The following NFYC variants were observed in gnomAD, a reference collection of about 807,000 sequenced individuals.
NFYC encodes the protein nuclear transcription factor Y subunit gamma.
NFYC carries 25 observed loss-of-function variants against 53.1 expected under a neutral mutation model. The ratio of observed to expected loss-of-function variants is 0.47; its 90% CI spans 0.34 to 0.66. The LOEUF (loss-of-function observed/expected upper bound fraction) is 0.66. Among genes scored for constraint, NFYC ranks in the 30% least tolerant of loss-of-function variants. NFYC has a pLI of 0.01. For synonymous variants in NFYC, 145 were observed against 152.6 expected, an observed-to-expected ratio of 0.95 and a Z score of 0.37; for missense variants, 260 against 422.7, an observed-to-expected ratio of 0.62 and a Z score of 3.38.
rs774076369 is a variant in NFYC, at chr1:40,698,363, GA to G, written c.-9+6511del. On this transcript the variant is annotated intron_variant, in intron 1 of 9. Coordinates refer to ENST00000447388, the MANE Select transcript of NFYC (RefSeq NM_014223.5). Reference sequence around the variant, plus strand: ...GGTGACAGAACGGGATTCCCTCTTTGAAAAAAAAAAAAAAATTCACGTTCAA... The same window carrying G: ...GGTGACAGAACGGGATTCCCTCTTTGAAAAAAAAAAAAAATTCACGTTCAA... Among the ~76,000 whole-genome samples, 863 of 135,766 alleles carry G rather than the reference GA, an allele frequency of 6.4e-3. 9 individuals are homozygous for G. The highest frequency in any genetic ancestry group is 0.017 in the African/African-American group (630 of 37,198). 89.1% of individuals were successfully genotyped at this position (135,766 alleles called of 152,430 possible). A position where few individuals can be genotyped will look rare whatever the true frequency, so the allele number is the denominator to read the frequency against.
At chr1:40,759,073 A>G (rs974102933) in intron 6 of NFYC, among the ~76,000 whole-genome samples, 2 of 152,208 alleles carry the variant, frequency 1.3e-5, no homozygotes, top group South Asian at 4.1e-4. Context: ...AAAGGAACAC[A>G]TTAAAAGAAG....
In NFYC at chr1:40,699,769, G is replaced by A. The variant is rs1643341226; in HGVS notation, c.-9+7902G>A. Among the ~76,000 whole-genome samples, 3 of 152,192 alleles carry A rather than the reference G, an allele frequency of 2.0e-5. No individual in the cohort carries two copies. The South Asian group carries it at 6.2e-4, about 32-fold the overall frequency. ...AAAATTTGTAAGTTGGTTTAGAGTA[G>A]CATTTCCCAAGCTCTTCCACTGAAC... is the stretch of plus-strand genomic sequence containing the variant. On this transcript the variant is annotated intron_variant, in intron 1 of 9. Transcript: ENST00000447388.
intron 4 of NFYC, 97 bp from the exon 5 acceptor site, chr1:40,753,054 T>G (rs1646003288): frequency 2.5e-6 from 2 of 790,918 alleles, no homozygotes; most frequent in South Asian, 1.5e-5. Flanking sequence ...GTGTTTAGTT[T>G]GGCTTAAAAG....
intron 3 of NFYC, among the ~76,000 whole-genome samples, chr1:40,748,981 A>G (rs1353694767): frequency 1.3e-5 from 2 of 152,056 alleles, no homozygotes; most frequent in African/African-American, 4.8e-5. Context: ...TACCTCACCA[A>G]AGGTTTAGAA....
At chr1:40,708,077 C>T (rs886470226) in intron 1 of NFYC, among the ~76,000 whole-genome samples, 1 of 152,128 alleles carries the variant, frequency 6.6e-6, no homozygotes, top group Non-Finnish European at 1.5e-5. Context: ...TCATTATTCC[C>T]TAAACAATAC....
At chr1:40,747,697 CAAG>C (rs952019665) in intron 3 of NFYC, 92 bp downstream of exon 3, 23 of 806,412 alleles carry the variant, frequency 2.9e-5, no homozygotes, top group Non-Finnish European at 2.0e-6. Context: ...TTTAATTAAA[CAAG>C]AACACACAAA....
At chr1:40,694,022 A>G (rs1642988364) in intron 1 of NFYC, among the ~76,000 whole-genome samples, 1 of 139,378 alleles carries the variant, frequency 7.2e-6, no homozygotes, top group Non-Finnish European at 1.5e-5. Flanking sequence ...ATCCAGGTAG[A>G]TAATGGGGAA....
chr1:40,759,477 A>G (rs1646416989), intron 6 of NFYC, among the ~76,000 whole-genome samples: 1 of 152,006 alleles, frequency 6.6e-6, no homozygotes. Context: ...TCAAGGCTAC[A>G]GTGAGCTGTG....
chr1:40,721,507 A>C (rs916781292), intron 1 of NFYC: 1 of 151,486 alleles, frequency 6.6e-6, no homozygotes, highest in Non-Finnish European at 1.5e-5. Flanking sequence ...ACAGGCACGT[A>C]CTCCTAGCTT....
At chr1:40,707,071 G>A (rs888736348) in intron 1 of NFYC, among the ~76,000 whole-genome samples, 10 of 151,918 alleles carry the variant, frequency 6.6e-5, no homozygotes, top group Admixed American at 1.3e-4. Context: ...TCGGGAGGCC[G>A]AGGCATGAGA....
intron 1 of NFYC, among the ~76,000 whole-genome samples, chr1:40,693,871 T>C (rs1320112244): frequency 6.6e-6 from 1 of 152,250 alleles, no homozygotes; most frequent in Non-Finnish European, 1.5e-5. Flanking sequence ...CTTAAGAATT[T>C]CTTGTGCTGC....
At position 40,770,808 on chromosome 1, in the gene NFYC, C is replaced by T; in HGVS notation, c.988C>T (p.Pro330Ser). The change falls in exon 10 of 10, where the codon CCC becomes TCC. Residue 330 changes from proline (P) to serine (S), a missense_variant. Coordinates refer to ENST00000447388, the MANE Select transcript of NFYC (RefSeq NM_014223.5). The surrounding 1 kb of genome is among the most constrained non-coding windows in gnomAD (Gnocchi z 5.3). ...SANQPSDGQAPQVTGD is the reference protein window; with the variant it reads ...SANQPSDGQASQVTGD ...CAACCAGCCCTCCGACGGGCAGGCC[C>T]CCCAGGTGACCGGCGACTGAGGGCC... 6.2e-7 allele frequency: 1 copy of T among 1,610,326 alleles called. No individual in the cohort carries two copies. Among genetic ancestry groups the T allele is most frequent in the Non-Finnish European group, 8.5e-7 (1 of 1,179,994 alleles).
At chr1:40,706,230 G>A (rs971882085) in intron 1 of NFYC, among the ~76,000 whole-genome samples, 1 of 151,922 alleles carries the variant, frequency 6.6e-6, no homozygotes, top group African/African-American at 2.4e-5. Flanking sequence ...TGTATGGCTA[G>A]GGACCAGTTT....
chr1:40,716,033 T>G (rs1390746330), intron 1 of NFYC, among the ~76,000 whole-genome samples: 1 of 152,232 alleles, frequency 6.6e-6, no homozygotes, highest in East Asian at 1.9e-4. Flanking sequence ...AATATCCAGA[T>G]AAAATGAAAT....
intron 1 of NFYC, among the ~76,000 whole-genome samples, chr1:40,717,153 G>T (rs761513717): frequency 6.6e-6 from 1 of 151,802 alleles, no homozygotes; most frequent in African/African-American, 2.4e-5. Context: ...GGACAAACAG[G>T]AGAGAATCAA....
intron 1 of NFYC, chr1:40,735,740 T>A: frequency 2.0e-6 from 2 of 985,432 alleles, no homozygotes; most frequent in Non-Finnish European, 2.4e-6. Context: ...CAGGGACCCA[T>A]GCAATAAAAG....
At chr1:40,732,288 C>T (rs1452638060) in intron 1 of NFYC, among the ~76,000 whole-genome samples, 1 of 152,174 alleles carries the variant, frequency 6.6e-6, no homozygotes, top group East Asian at 1.9e-4. Flanking sequence ...TTTCAGAAAC[C>T]AGGTCATATT....
At chr1:40,705,852 C>T (rs2148433496) in intron 1 of NFYC, among the ~76,000 whole-genome samples, 1 of 152,174 alleles carries the variant, frequency 6.6e-6, no homozygotes, top group South Asian at 2.1e-4. Context: ...GTCAAGTGAT[C>T]CTCTGGTCTC....
At position 40,755,347 on chromosome 1, in the gene NFYC, A is replaced by G. The variant is rs554885644; in HGVS notation, c.387+2101A>G. ...TGCCCCATTCTGGATTGATCCAGTC[A>G]TTAAAGCATTGTTCTGCCACTTGGG... On this transcript the variant is annotated intron_variant, in intron 5 of 9. Coordinates refer to ENST00000447388, the MANE Select transcript of NFYC (RefSeq NM_014223.5). 3.3e-5 allele frequency among the ~76,000 whole-genome samples: 5 copies of G among 152,346 alleles called. No homozygotes were observed. In the East Asian group the frequency reaches 7.7e-4, roughly 23 times the overall value.
Sources: allele counts gnomAD v4.1 joint callset (sites outside exome capture counted in the v4.1 genomes callset), GRCh38; gene constraint gnomAD v4.1.1; non-coding constraint Gnocchi (gnomAD v3.1); transcripts MANE v1.5; gene names NCBI Gene and HGNC (gene_info 2026-07-23, HGNC 2026-07-21).